Variants in MRPS9 observed in about 807,000 individuals in gnomAD.
MRPS9 encodes mitochondrial ribosomal protein S9.
MRPS9 carries 45 observed loss-of-function variants against 59.9 expected under a neutral mutation model. The observed-to-expected ratio is 0.75, with a 90% CI of 0.59 to 0.96. The LOEUF is 0.96. Ranked by LOEUF, MRPS9 falls within the 40% of genes least tolerant of loss-of-function variation. MRPS9 has a pLI of 0.00. For missense variants in MRPS9, 473 were observed against 481.1 expected (o/e 0.98, Z 0.16); for synonymous variants, 171 against 166.8 (o/e 1.03, Z -0.19).
intron 4 of MRPS9, among the ~76,000 whole-genome samples, chr2:105,073,014 C>G (rs1003788705): frequency 7.9e-5 from 12 of 152,152 alleles, no homozygotes; most frequent in African/African-American, 2.9e-4. Context: ...CTCAGTGTTA[C>G]AGAAGTAAAA....
chr2:105,087,408 G>C (rs756140906), intron 5 of MRPS9, among the ~76,000 whole-genome samples: 17 of 152,146 alleles, frequency 1.1e-4, no homozygotes, highest in Non-Finnish European at 1.6e-4. Context: ...AGCCAGTCTA[G>C]GCTTGGATGC....
chr2:105,043,065 A>T (rs552894804), intron 1 of MRPS9, among the ~76,000 whole-genome samples: 1 of 152,090 alleles, frequency 6.6e-6, no homozygotes, highest in African/African-American at 2.4e-5. Context: ...AAAAAAATAG[A>T]TTCCTTGCCA....
rs1680523550 is a variant in MRPS9 at position 105,089,907 on chromosome 2, G to T, written c.576-13G>T. 6.3e-7 allele frequency: 1 copy of T among 1,578,844 alleles called. No individual in the cohort carries two copies. Among genetic ancestry groups the T allele is most frequent in the Non-Finnish European group, 8.7e-7 (1 of 1,151,922 alleles). ...GGCTAATTAAAAAGAGAATATATGT[G>T]ATATTTTAACAGAGACGTGATTGGC... On this transcript the variant is annotated splice_polypyrimidine_tract_variant and intron_variant, in intron 6 of 10. Coordinates refer to ENST00000258455, the MANE Select transcript of MRPS9 (RefSeq NM_182640.3).
At chr2:105,081,131 C>G (rs570525300) in intron 5 of MRPS9, among the ~76,000 whole-genome samples, 1 of 152,190 alleles carries the variant, frequency 6.6e-6, no homozygotes, top group African/African-American at 2.4e-5. Context: ...CTCCAAACGC[C>G]GCCGGTTTGA....
At chr2:105,092,215 A>G (rs989442624) in intron 7 of MRPS9, 186 bp from the exon 8 acceptor site, 56 of 446,064 alleles carry the variant, frequency 1.3e-4, no homozygotes, top group African/African-American at 9.2e-4. Context: ...ATTTGGCACT[A>G]AAGATACGCA....
chr2:105,054,128 G>A (rs947181255), intron 2 of MRPS9, among the ~76,000 whole-genome samples: 1 of 152,080 alleles, frequency 6.6e-6, no homozygotes, highest in African/African-American at 2.4e-5. Flanking sequence ...AGCAAGTCAG[G>A]GCTCTCTGTC....
At chr2:105,039,376 C>G (rs1679461707) in intron 1 of MRPS9, among the ~76,000 whole-genome samples, 1 of 140,476 alleles carries the variant, frequency 7.1e-6, no homozygotes, top group Non-Finnish European at 1.5e-5. Context: ...TCATGCATCT[C>G]TTTGAGTATA....
intron 1 of MRPS9, among the ~76,000 whole-genome samples, chr2:105,038,796 CT>C (rs1679440928): frequency 6.6e-6 from 1 of 152,158 alleles, no homozygotes; most frequent in Non-Finnish European, 1.5e-5. Context: ...AGCTGGATGG[CT>C]GATGATGCCA....
chr2:105,052,238 T>C (rs893763471), intron 2 of MRPS9, among the ~76,000 whole-genome samples: 1 of 152,220 alleles, frequency 6.6e-6, no homozygotes, highest in Admixed American at 6.5e-5. Flanking sequence ...CCATTAAATA[T>C]GATGTTAGCT....
intron 5 of MRPS9, among the ~76,000 whole-genome samples, chr2:105,082,248 T>G (rs1680361693): frequency 6.6e-6 from 1 of 152,160 alleles, no homozygotes; most frequent in African/African-American, 2.4e-5. Context: ...TGATATAATT[T>G]TTTCCCTATG....
At chr2:105,057,457 T>G (rs1558753157) in intron 2 of MRPS9, among the ~76,000 whole-genome samples, 1 of 152,228 alleles carries the variant, frequency 6.6e-6, no homozygotes, top group East Asian at 1.9e-4. Flanking sequence ...TTGAGCTGAG[T>G]GAGTCTTGTT....
At chr2:105,038,269 C>A in intron 1 of MRPS9, 42 bp downstream of exon 1, 1 of 1,587,782 alleles carries the variant, frequency 6.3e-7, no homozygotes. Context: ...CTCTGCCGCG[C>A]GAGGATGTGG....
intron 1 of MRPS9, 101 bp downstream of exon 1, chr2:105,038,328 G>T: frequency 6.8e-7 from 1 of 1,463,572 alleles, no homozygotes; most frequent in South Asian, 1.3e-5. Context: ...TTCAGGCAGG[G>T]ACTCTAGGAT....
intron 4 of MRPS9, among the ~76,000 whole-genome samples, chr2:105,073,455 C>T (rs966547905): frequency 2.0e-5 from 3 of 152,056 alleles, no homozygotes; most frequent in African/African-American, 7.2e-5. Flanking sequence ...TGTTGCTTAC[C>T]TACCTACCTC....
At chr2:105,038,522 G>T (rs1679436043) in intron 1 of MRPS9, 1 of 405,148 alleles carries the variant, frequency 2.5e-6, no homozygotes, top group Admixed American at 3.8e-5. Flanking sequence ...CGGTGCCTAG[G>T]TCTGTGTTGG....
Position 105,062,507 on chromosome 2 carries a change from G to A in MRPS9, c.316-8806G>A, listed in dbSNP as rs150097599. 1.9e-3 allele frequency among the ~76,000 whole-genome samples: 286 copies of A among 152,284 alleles called. 2 individuals carry two copies. The highest frequency in any genetic ancestry group is 6.3e-3 in the African/African-American group (260 of 41,564). On this transcript the variant is annotated intron_variant, in intron 2 of 10. Transcript: ENST00000258455. ...AATGGCCGTTATTACCAGCTTTGTCGTAGAAATCCTCTATTTGGAGACTAC... is the reference window on the plus strand; with the variant it reads ...AATGGCCGTTATTACCAGCTTTGTCATAGAAATCCTCTATTTGGAGACTAC...
At chr2:105,046,552 G>C (rs1373665313) in intron 1 of MRPS9, among the ~76,000 whole-genome samples, 1 of 151,820 alleles carries the variant, frequency 6.6e-6, no homozygotes, top group East Asian at 1.9e-4. Context: ...TGTCTTCCTG[G>C]GATGTCCATC....
At position 105,038,165 on chromosome 2, in the gene MRPS9, G is replaced by A. The variant is rs1422229689; in HGVS notation, c.73G>A (p.Ala25Thr). 2.5e-6 allele frequency: 4 copies of A among 1,613,406 alleles called. No individual in the cohort carries two copies. The highest frequency in any genetic ancestry group is 3.4e-6 in the Non-Finnish European group (4 of 1,179,800). Residue 25 changes from alanine to threonine, a missense_variant, in exon 1 of 11, where the codon GCC becomes ACC. Physicochemically the swap from Ala to Thr is moderately conservative, Grantham distance 58 (BLOSUM62 0). Transcript: ENST00000258455. ...TCTTCTCTGGGGTAGGGGTAGCCTCGCCCGGAAGCAAGGCCTCTGGAAAAC... is the reference window on the plus strand; with the variant it reads ...TCTTCTCTGGGGTAGGGGTAGCCTCACCCGGAAGCAAGGCCTCTGGAAAAC... ...RLLLWGRGSL[A>T]RKQGLWKTAA...
chr2:105,043,904 A>G (rs1573414121), intron 1 of MRPS9, among the ~76,000 whole-genome samples: 1 of 146,686 alleles, frequency 6.8e-6, no homozygotes, highest in East Asian at 2.0e-4. Flanking sequence ...AAGTGCTGGG[A>G]TTACAGGCGT....
Sources: allele counts gnomAD v4.1 joint callset (sites outside exome capture counted in the v4.1 genomes callset), GRCh38; gene constraint gnomAD v4.1.1; transcripts MANE v1.5; gene names NCBI Gene and HGNC (gene_info 2026-07-23, HGNC 2026-07-21).